Variants in DOK6 observed in about 807,000 individuals in gnomAD.
The protein encoded by DOK6 is downstream of tyrosine kinase 6.
DOK6 carries 22 observed loss-of-function variants against 44.0 expected under a neutral mutation model. That is an observed-to-expected ratio of 0.50 (90% confidence interval 0.36 to 0.71). The LOEUF (loss-of-function observed/expected upper bound fraction) is 0.71, where lower values mean the gene tolerates loss of function less well. DOK6 is among the 30% of genes least tolerant of loss of function. The pLI, the probability that DOK6 is intolerant of heterozygous loss-of-function variation, is 0.00. For synonymous variants in DOK6, 166 were observed against 145.5 expected, an observed-to-expected ratio of 1.14 and a Z score of -1.01; for missense variants, 340 against 416.4, an observed-to-expected ratio of 0.82 and a Z score of 1.60.
At chr18:69,530,622 T>C (rs552229389) in intron 1 of DOK6, among the ~76,000 whole-genome samples, 23 of 152,290 alleles carry the variant, frequency 1.5e-4, no homozygotes, top group Admixed American at 3.3e-4. Context: ...CAGTTTCTCA[T>C]AGTCTTCTTG....
rs182680929 is a variant in DOK6, at chr18:69,528,133, G to A, written c.67-36354G>A. ...ATCCGAGATAGTGCCACTGCAGTTC[G>A]GCCTGGGTGACAGAGCGAGACTCTG... is the stretch of plus-strand genomic sequence containing the variant. On this transcript the variant is annotated intron_variant, in intron 1 of 7. Transcript: ENST00000382713. Among the ~76,000 whole-genome samples, 91 of 148,606 alleles carry A rather than the reference G, an allele frequency of 6.1e-4. 1 individual carries two copies. The East Asian group carries it at 0.015, about 25-fold the overall frequency.
rs201214363 is a variant in DOK6 at position 69,710,270 on chromosome 18, GA to G, written c.599+11683del. 2.6e-5 allele frequency among the ~76,000 whole-genome samples: 4 copies of G among 152,254 alleles called. No individual in the cohort carries two copies. In the East Asian group the frequency reaches 7.7e-4, roughly 29 times the overall value. ...AAGAGGTTTAACAAAACTTAAAGGG[GA>G]AAAAACTGACTTTTTGGACACTGAA... On this transcript the variant is annotated intron_variant, in intron 5 of 7. Coordinates refer to ENST00000382713, the MANE Select transcript of DOK6 (RefSeq NM_152721.6).
intron 2 of DOK6, among the ~76,000 whole-genome samples, chr18:69,573,674 A>G (rs1983170972): frequency 1.3e-5 from 2 of 151,534 alleles, no homozygotes; most frequent in East Asian, 1.9e-4. Flanking sequence ...CCCTTTTCTG[A>G]TTTTGATTTT....
At chr18:69,830,076 G>A (rs1170953061) in intron 7 of DOK6, among the ~76,000 whole-genome samples, 1 of 151,864 alleles carries the variant, frequency 6.6e-6, no homozygotes, top group Non-Finnish European at 1.5e-5. Flanking sequence ...ACAAACAAGT[G>A]CAAATACCTT....
At chr18:69,603,659 T>C (rs1162126864) in intron 3 of DOK6, among the ~76,000 whole-genome samples, 1 of 149,104 alleles carries the variant, frequency 6.7e-6, no homozygotes, top group Non-Finnish European at 1.5e-5. Context: ...TAGTCCCACA[T>C]ACGTGAGAGG....
At chr18:69,515,579 C>A (rs79582319) in intron 1 of DOK6, among the ~76,000 whole-genome samples, 3,976 of 152,164 alleles carry the variant, frequency 0.026, 76 homozygotes, top group Middle Eastern at 0.082. Flanking sequence ...TCTGCTACAG[C>A]TCAGAAGAAA....
chr18:69,412,735 A>T (rs113382464), intron 1 of DOK6, among the ~76,000 whole-genome samples: 1 of 152,166 alleles, frequency 6.6e-6, no homozygotes, highest in Non-Finnish European at 1.5e-5. Flanking sequence ...TCTCTTTCCC[A>T]TATTTGGAAA....
intron 7 of DOK6, among the ~76,000 whole-genome samples, chr18:69,819,034 G>A (rs1165946657): frequency 6.6e-6 from 1 of 152,160 alleles, no homozygotes; most frequent in African/African-American, 2.4e-5. Context: ...TGTTTTTACT[G>A]TTATTATTTT....
At chr18:69,739,387 G>T (rs1266138533) in intron 6 of DOK6, among the ~76,000 whole-genome samples, 4 of 152,228 alleles carry the variant, frequency 2.6e-5, no homozygotes, top group African/African-American at 9.6e-5. Flanking sequence ...AAGAAGCAAT[G>T]CTGTCTGCAT....
At chr18:69,708,382 A>G (rs1005617291) in intron 5 of DOK6, among the ~76,000 whole-genome samples, 2 of 152,168 alleles carry the variant, frequency 1.3e-5, no homozygotes, top group African/African-American at 4.8e-5. Context: ...CTGTGCCTTC[A>G]GTTATATTCT....
At chr18:69,679,554 G>A (rs1199022267) in intron 4 of DOK6, among the ~76,000 whole-genome samples, 1 of 152,158 alleles carries the variant, frequency 6.6e-6, no homozygotes, top group Non-Finnish European at 1.5e-5. Flanking sequence ...GCTAAGCAGA[G>A]TCCATAATCA....
rs1982232208 is a variant in DOK6 at position 69,841,872 on chromosome 18, A to G, written c.*489A>G. ...GCTCTGCAAATGACATCGTAGCTGC[A>G]TATAAATAAACCCAGTGACAATTAA... On this transcript the variant is annotated 3_prime_UTR_variant, in exon 8 of 8. Transcript: ENST00000382713. The G allele has an allele frequency of 1.3e-5, 2 of 158,088 alleles. No individual in the cohort carries two copies. The highest frequency in any genetic ancestry group is 4.8e-5 in the African/African-American group (2 of 41,552). 9.8% of individuals were successfully genotyped at this position (158,088 alleles called of 1,614,324 possible).
chr18:69,772,535 C>T (rs968680981), intron 7 of DOK6, among the ~76,000 whole-genome samples: 5 of 151,974 alleles, frequency 3.3e-5, no homozygotes, highest in African/African-American at 1.2e-4. Context: ...AGTAATGGAA[C>T]ATAATAGCCC....
intron 1 of DOK6, among the ~76,000 whole-genome samples, chr18:69,537,660 A>G (rs1485092945): frequency 6.6e-6 from 1 of 152,222 alleles, no homozygotes; most frequent in Non-Finnish European, 1.5e-5. Context: ...AATTTTACAC[A>G]AATATGCAAA....
At chr18:69,651,906 A>G (rs1056205374) in intron 3 of DOK6, among the ~76,000 whole-genome samples, 4 of 151,162 alleles carry the variant, frequency 2.6e-5, no homozygotes, top group African/African-American at 7.3e-5. Context: ...ATTATTCAGA[A>G]TCCTTTCGAT....
intron 5 of DOK6, chr18:69,724,660 A>G (rs1454715588): frequency 6.6e-6 from 1 of 152,126 alleles, no homozygotes; most frequent in African/African-American, 2.4e-5. Context: ...TACCTTCTTT[A>G]CTCTTCCATA....
rs776875395 is a variant in DOK6 at position 69,842,389 on chromosome 18, A to C, written c.*1006A>C. ...TCCATGTGAACGCCGATCAGCTTCC[A>C]TTTAACCTTGAGAGAAAAGAGAGGT... On this transcript the variant is annotated 3_prime_UTR_variant, in exon 8 of 8. Transcript: ENST00000382713. 2 of 152,154 alleles carry C rather than the reference A, an allele frequency of 1.3e-5. No homozygotes were observed. The highest frequency in any genetic ancestry group is 2.9e-5 in the Non-Finnish European group (2 of 68,026). The allele number at this position is 152,154 out of a possible 1,614,324, so 9.4% of individuals were successfully genotyped here. A position where few individuals can be genotyped will look rare whatever the true frequency, so the allele number is the denominator to read the frequency against.
intron 2 of DOK6, among the ~76,000 whole-genome samples, chr18:69,598,149 C>A (rs1423089966): frequency 2.0e-5 from 3 of 151,908 alleles, no homozygotes; most frequent in Non-Finnish European, 4.4e-5. Context: ...GCTTGCTAAA[C>A]TAACCACACT....
chr18:69,661,302 T>A (rs1985519967), intron 3 of DOK6: 1 of 152,226 alleles, frequency 6.6e-6, no homozygotes, highest in Non-Finnish European at 1.5e-5. Context: ...GGGTCTTTTA[T>A]AAGGACGCTA....
Sources: allele counts gnomAD v4.1 joint callset (sites outside exome capture counted in the v4.1 genomes callset), GRCh38; gene constraint gnomAD v4.1.1; transcripts MANE v1.5; gene names NCBI Gene and HGNC (gene_info 2026-07-23, HGNC 2026-07-21).